Variants in PLGRKT observed in about 807,000 individuals in gnomAD.
The protein encoded by PLGRKT is plasminogen receptor (KT).
PLGRKT carries 22 observed loss-of-function variants against 18.5 expected under a neutral mutation model. The ratio of observed to expected loss-of-function variants is 1.19; its 90% CI spans 0.85 to 1.70. The LOEUF (loss-of-function observed/expected upper bound fraction) is 1.70, where lower values mean the gene tolerates loss of function less well. Ranked by LOEUF, PLGRKT falls within the 40% of genes most tolerant of loss-of-function variation. PLGRKT has a pLI of 0.00. For missense variants in PLGRKT, 235 were observed against 174.4 expected, an observed-to-expected ratio of 1.35 and a Z score of -1.96; for synonymous variants, 72 against 52.8, an observed-to-expected ratio of 1.36 and a Z score of -1.58.
chr9:5,404,373 C>T (rs1412058962), intron 3 of PLGRKT, among the ~76,000 whole-genome samples: 2 of 152,068 alleles, frequency 1.3e-5, no homozygotes, highest in Non-Finnish European at 2.9e-5. Flanking sequence ...TACAAAAATC[C>T]TCAATAAAAT....
chr9:5,418,822 CA>C lies in PLGRKT; in HGVS notation c.81+13074del. Reference sequence around the variant, plus strand: ...GGGCAGCTTGGTGACACCGCTGCACCAGGGGCATCGCACATCCTTCTGGCTG... The same window carrying C: ...GGGCAGCTTGGTGACACCGCTGCACCGGGGCATCGCACATCCTTCTGGCTG... On this transcript the variant is annotated intron_variant, in intron 3 of 5. Transcript: ENST00000223864. The surrounding 1 kb of genome is among the most constrained non-coding windows in gnomAD (Gnocchi z 4.2). The C allele has an allele frequency of 3.0e-6, 3 of 994,160 alleles. No individual in the cohort carries two copies. Among genetic ancestry groups the C allele is most frequent in the Non-Finnish European group, 4.8e-6 (3 of 630,726 alleles). The allele number at this position is 994,160 out of a possible 1,614,324, so 61.6% of individuals were successfully genotyped here. A position where few individuals can be genotyped will look rare whatever the true frequency, so the allele number is the denominator to read the frequency against.
At position 5,418,186 on chromosome 9, in the gene PLGRKT, T is replaced by A. The variant is rs1818500172; in HGVS notation, c.81+13711A>T. Among the ~76,000 whole-genome samples the A allele has an allele frequency of 6.6e-6, 1 of 152,170 alleles. No individual in the cohort carries two copies. Among genetic ancestry groups the A allele is most frequent in the Admixed American group, 6.5e-5 (1 of 15,280 alleles). On this transcript the variant is annotated intron_variant, in intron 3 of 5. Transcript: ENST00000223864. This position sits in a 1 kb window ranked among gnomAD's most constrained non-coding sequence, Gnocchi z 4.2. ...AGTACTCAGAGCAAGTTGCCTGGTA[T>A]CTTGTTGAGACCTCACCTTCTGCCC...
intron 3 of PLGRKT, among the ~76,000 whole-genome samples, chr9:5,386,484 C>T (rs916001245): frequency 1.3e-5 from 2 of 151,782 alleles, no homozygotes; most frequent in African/African-American, 4.9e-5. Context: ...ATATGATATG[C>T]AGTGGACCCC....
At chr9:5,370,079 T>TA (rs1179425749) in intron 3 of PLGRKT, among the ~76,000 whole-genome samples, 3 of 151,400 alleles carry the variant, frequency 2.0e-5, no homozygotes, top group African/African-American at 7.3e-5. Flanking sequence ...TAAAGTATAA[T>TA]AAAAAATAAA....
At chr9:5,393,483 T>C (rs887367865) in intron 3 of PLGRKT, among the ~76,000 whole-genome samples, 3 of 151,950 alleles carry the variant, frequency 2.0e-5, no homozygotes, top group African/African-American at 7.3e-5. Context: ...CTTGTTACTA[T>C]ACCTTTCAAA....
Position 5,406,581 on chromosome 9 carries a change from G to A in PLGRKT, c.81+25316C>T, listed in dbSNP as rs150756229. On this transcript the variant is annotated intron_variant, in intron 3 of 5. Transcript: ENST00000223864. ...ATGAGAACACATGGAGACAGGGAGGGGAACAACATTCACTGGGGCCTGTTG... is the reference window on the plus strand; with the variant it reads ...ATGAGAACACATGGAGACAGGGAGGAGAACAACATTCACTGGGGCCTGTTG... 1.7e-3 allele frequency among the ~76,000 whole-genome samples: 251 copies of A among 151,866 alleles called. 1 individual carries two copies. The highest frequency in any genetic ancestry group is 0.014 in the Middle Eastern group (4 of 294).
intron 3 of PLGRKT, among the ~76,000 whole-genome samples, chr9:5,389,462 G>A (rs1396104554): frequency 2.6e-5 from 4 of 151,850 alleles, no homozygotes; most frequent in African/African-American, 7.3e-5. Context: ...GCCCCCACCT[G>A]TCAGGGTATG....
intron 3 of PLGRKT, among the ~76,000 whole-genome samples, chr9:5,365,038 G>C (rs567990070): frequency 5.1e-4 from 78 of 152,198 alleles, no homozygotes; most frequent in Non-Finnish European, 1.0e-3. Context: ...TCCACTGACA[G>C]GGCATAGAGG....
At chr9:5,365,185 G>A (rs1416710785) in intron 3 of PLGRKT, among the ~76,000 whole-genome samples, 1 of 152,116 alleles carries the variant, frequency 6.6e-6, no homozygotes, top group Non-Finnish European at 1.5e-5. Flanking sequence ...GGCAAGAAAT[G>A]TATAAGAGGA....
intron 3 of PLGRKT, among the ~76,000 whole-genome samples, chr9:5,419,738 G>A (rs529660196): frequency 3.2e-4 from 49 of 152,294 alleles, no homozygotes; most frequent in African/African-American, 1.0e-3. Flanking sequence ...ATTTGGTGAC[G>A]ACATAAAAAA....
chr9:5,392,110 T>G (rs148697006), intron 3 of PLGRKT, among the ~76,000 whole-genome samples: 1 of 151,922 alleles, frequency 6.6e-6, no homozygotes, highest in Non-Finnish European at 1.5e-5. Flanking sequence ...TGGGACAAAT[T>G]GAGTTTTCTG....
chr9:5,437,866 C>A lies in PLGRKT; in HGVS notation c.-210G>T, dbSNP rs577310934. 2 of 152,286 alleles carry A rather than the reference C, an allele frequency of 1.3e-5. No homozygotes were observed. The highest frequency in any genetic ancestry group is 2.1e-4 in the South Asian group (1 of 4,840). 9.4% of individuals were successfully genotyped at this position (152,286 alleles called of 1,614,324 possible). On this transcript the variant is annotated 5_prime_UTR_variant, in exon 1 of 6. Coordinates refer to ENST00000223864, the MANE Select transcript of PLGRKT (RefSeq NM_018465.4). ...GGGCTCCTTTCGCCCGCTGCAGGGA[C>A]CGGGCCTCGCTCCGCCCAGCGTCGG...
intron 5 of PLGRKT, 47 bp from the exon 6 acceptor site, chr9:5,358,407 C>G (rs1466347104): frequency 6.3e-7 from 1 of 1,582,840 alleles, no homozygotes. Context: ...GGGTCATCAG[C>G]AATTTGTGAC....
At chr9:5,363,563 C>G (rs62557746) in intron 3 of PLGRKT, among the ~76,000 whole-genome samples, 9,204 of 152,160 alleles carry the variant, frequency 0.06, 433 homozygotes, top group African/African-American at 0.13. Context: ...TAGGCATGCT[C>G]TCTGTGAGGT....
chr9:5,381,405 G>T (rs567315587), intron 3 of PLGRKT, among the ~76,000 whole-genome samples: 1 of 152,226 alleles, frequency 6.6e-6, no homozygotes, highest in East Asian at 1.9e-4. Flanking sequence ...TACAGCTCAG[G>T]TCATTGCTTC....
intron 3 of PLGRKT, among the ~76,000 whole-genome samples, chr9:5,417,742 T>G (rs1309847900): frequency 6.6e-6 from 1 of 150,942 alleles, no homozygotes; most frequent in Non-Finnish European, 1.5e-5. Context: ...TAATTACAAG[T>G]GAAGAAAATG....
chr9:5,392,023 G>C (rs1295745653), intron 3 of PLGRKT, among the ~76,000 whole-genome samples: 3 of 151,902 alleles, frequency 2.0e-5, no homozygotes, highest in Non-Finnish European at 4.4e-5. Flanking sequence ...ATCTCTTAGA[G>C]CTCTGACATA....
Position 5,361,777 on chromosome 9 carries a change from C to G in PLGRKT, c.193G>C (p.Ala65Pro). The change falls in exon 4 of 6, where the codon GCC becomes CCC. Residue 65 changes from alanine to proline, a missense_variant. Coordinates refer to ENST00000223864, the MANE Select transcript of PLGRKT (RefSeq NM_018465.4). ...KYFGTFFGLAAISLTAGAIKK... is the reference protein window; with the variant it reads ...KYFGTFFGLAPISLTAGAIKK... Reference sequence around the variant, plus strand: ...ACATACCCAGCTGTTAAAGAGATGGCTGCAAGGCCAAAAAAAGTTCCAAAA... The same window carrying G: ...ACATACCCAGCTGTTAAAGAGATGGGTGCAAGGCCAAAAAAAGTTCCAAAA... 1 of 1,612,342 alleles carries G rather than the reference C, an allele frequency of 6.2e-7. No homozygotes were observed.
chr9:5,417,464 G>A (rs1320703194), intron 3 of PLGRKT, among the ~76,000 whole-genome samples: 1 of 151,890 alleles, frequency 6.6e-6, no homozygotes, highest in African/African-American at 2.4e-5. Context: ...ATATGAAGTT[G>A]GATTTGGCAA....
Sources: allele counts gnomAD v4.1 joint callset (sites outside exome capture counted in the v4.1 genomes callset), GRCh38; gene constraint gnomAD v4.1.1; non-coding constraint Gnocchi (gnomAD v3.1); transcripts MANE v1.5; gene names NCBI Gene and HGNC (gene_info 2026-07-23, HGNC 2026-07-21).